HECW1: variants seen among roughly 807,000 people sequenced by gnomAD.
The protein encoded by HECW1 is HECT, C2 and WW domain containing E3 ubiquitin protein ligase 1.
Under a neutral mutation model 182.3 loss-of-function variants are expected in HECW1, and 61 were observed. The ratio of observed to expected loss-of-function variants is 0.33; its 90% CI spans 0.27 to 0.41. The LOEUF (loss-of-function observed/expected upper bound fraction) is 0.41, where lower values mean the gene tolerates loss of function less well. HECW1 is among the 10% of genes least tolerant of loss of function. The probability of loss-of-function intolerance (pLI) is 1.00; values close to 1 mark genes in which losing one functional copy is unlikely to be tolerated. For missense variants in HECW1, 1,739 were observed against 2,108.9 expected (o/e 0.82, Z 3.44); for synonymous variants, 859 against 832.6 (o/e 1.03, Z -0.55).
intron 6 of HECW1, among the ~76,000 whole-genome samples, chr7:43,381,490 T>C (rs1052763392): frequency 1.5e-5 from 1 of 64,952 alleles, no homozygotes; most frequent in Non-Finnish European, 2.9e-5. Flanking sequence ...CATGGCTAAT[T>C]TTTTTTTTTT....
chr7:43,559,328 C>T (rs375913671), intron 29 of HECW1, among the ~76,000 whole-genome samples: 14 of 151,488 alleles, frequency 9.2e-5, no homozygotes, highest in Admixed American at 3.3e-4. Flanking sequence ...AAACATCCAT[C>T]GCACCAAGTG....
At chr7:43,390,438 G>T (rs2074978646) in intron 6 of HECW1, among the ~76,000 whole-genome samples, 1 of 151,670 alleles carries the variant, frequency 6.6e-6, no homozygotes, top group South Asian at 2.1e-4. Flanking sequence ...CTACCCAGGA[G>T]TCTGAGGTGG....
intron 12 of HECW1, among the ~76,000 whole-genome samples, chr7:43,453,360 A>G (rs2077297509): frequency 6.6e-6 from 1 of 152,186 alleles, no homozygotes; most frequent in Non-Finnish European, 1.5e-5. Flanking sequence ...TGTGAGAGAA[A>G]GATAGGTATC....
intron 2 of HECW1, among the ~76,000 whole-genome samples, chr7:43,137,937 AC>A (rs1787742143): frequency 7.1e-6 from 1 of 141,784 alleles, no homozygotes; most frequent in African/African-American, 2.7e-5. Context: ...TCTGACCAAC[AC>A]TTTTTTTTTT....
chr7:43,504,659 G>A (rs913452904), intron 21 of HECW1, among the ~76,000 whole-genome samples: 1 of 152,198 alleles, frequency 6.6e-6, no homozygotes, highest in Admixed American at 6.5e-5. Flanking sequence ...CATCTCACAT[G>A]AACCTTGAAC....
At chr7:43,268,714 A>G (rs918351495) in intron 3 of HECW1, among the ~76,000 whole-genome samples, 3 of 152,196 alleles carry the variant, frequency 2.0e-5, no homozygotes, top group Non-Finnish European at 4.4e-5. Flanking sequence ...TGCCTCAGGC[A>G]TGACAAACTC....
intron 9 of HECW1, chr7:43,438,938 T>C (rs2076794834): frequency 6.6e-6 from 1 of 152,228 alleles, no homozygotes; most frequent in Admixed American, 6.5e-5. Flanking sequence ...TTAAAGTTCT[T>C]TGGATTATCA....
chr7:43,276,552 CAT>C (rs1441319948), intron 3 of HECW1, among the ~76,000 whole-genome samples: 1 of 152,200 alleles, frequency 6.6e-6, no homozygotes, highest in African/African-American at 2.4e-5. Context: ...TTTCCTGTGT[CAT>C]GTGGAATTCC....
Position 43,120,382 on chromosome 7 carries a change from C to A in HECW1, c.-32+5991C>A, listed in dbSNP as rs551195728. Among the ~76,000 whole-genome samples the A allele has an allele frequency of 1.9e-4, 29 of 152,204 alleles. No homozygotes were observed. In the South Asian group the frequency reaches 6.0e-3, roughly 32 times the overall value. On this transcript the variant is annotated intron_variant, in intron 2 of 29. Transcript: ENST00000395891. ...CTTGTTTGCTTGCTTTTTCTTCATA[C>A]CACTTAGCACCACGCAATTTGTTAC...
At chr7:43,464,385 C>T (rs547541578) in intron 14 of HECW1, among the ~76,000 whole-genome samples, 6 of 152,204 alleles carry the variant, frequency 3.9e-5, no homozygotes, top group African/African-American at 1.2e-4. Flanking sequence ...AATTTTTTCC[C>T]ACTACAGTAG....
In HECW1 at chr7:43,444,982, G is replaced by C. The variant is rs1160022001; in HGVS notation, c.1810G>C (p.Asp604His). Reference protein sequence around the residue: ...SSEKDGLSEVDTVAADPSALE... With the variant: ...SSEKDGLSEVHTVAADPSALE... ...GGAGAAGGATGGGCTCAGCGAGGTG[G>C]ACACGGTGGCCGCTGACCCGTCTGC... is the stretch of plus-strand genomic sequence containing the variant. Residue 604 changes from aspartate (D) to histidine (H), a missense_variant, in exon 11 of 30, where the codon GAC (aspartate) becomes CAC (histidine). Around this residue, in one of 5 missense-constraint regions of HECW1, gnomAD observed 971 missense variants for 1,029.1 expected, o/e 0.94. Coordinates refer to ENST00000395891, the MANE Select transcript of HECW1 (RefSeq NM_015052.5). The surrounding 1 kb of genome is among the most constrained non-coding windows in gnomAD (Gnocchi z 4.3). The C allele has an allele frequency of 1.9e-6, 3 of 1,559,654 alleles. No homozygotes were observed. The highest frequency in any genetic ancestry group is 2.6e-6 in the Non-Finnish European group (3 of 1,151,614).
intron 5 of HECW1, among the ~76,000 whole-genome samples, chr7:43,335,936 TTC>T (rs1485586740): frequency 6.6e-6 from 1 of 150,402 alleles, no homozygotes; most frequent in African/African-American, 2.5e-5. Flanking sequence ...TTCTTTCTTT[TTC>T]TTTCTTTCTT....
chr7:43,315,260 G>C (rs886111566), intron 4 of HECW1, among the ~76,000 whole-genome samples: 3 of 152,096 alleles, frequency 2.0e-5, no homozygotes, highest in Non-Finnish European at 4.4e-5. Flanking sequence ...AGCTGTATAA[G>C]GCACAAACAG....
At chr7:43,429,213 G>T (rs556113024) in intron 8 of HECW1, among the ~76,000 whole-genome samples, 1 of 146,990 alleles carries the variant, frequency 6.8e-6, no homozygotes, top group East Asian at 2.0e-4. Context: ...GATGGTGAAG[G>T]CTTGATCAAA....
chr7:43,489,655 A>G (rs1012856635), intron 17 of HECW1, among the ~76,000 whole-genome samples: 2 of 152,328 alleles, frequency 1.3e-5, no homozygotes, highest in East Asian at 1.9e-4. Flanking sequence ...AAACAGATGC[A>G]TCTGCATCTC....
chr7:43,486,980 GC>G (rs1338524365), intron 17 of HECW1, among the ~76,000 whole-genome samples: 1 of 152,048 alleles, frequency 6.6e-6, no homozygotes, highest in Non-Finnish European at 1.5e-5. Context: ...GATGTTTATT[GC>G]CCGCTTCTTA....
chr7:43,152,786 C>T (rs1280324498), intron 2 of HECW1, among the ~76,000 whole-genome samples: 3 of 152,158 alleles, frequency 2.0e-5, no homozygotes, highest in African/African-American at 7.2e-5. Context: ...CTCGGGTCTT[C>T]ATATCTGTAG....
chr7:43,349,248 G>T (rs561080280), intron 5 of HECW1, among the ~76,000 whole-genome samples: 1 of 152,076 alleles, frequency 6.6e-6, no homozygotes, highest in Non-Finnish European at 1.5e-5. Context: ...TGATTAGGCC[G>T]GTCTCAAACT....
At chr7:43,506,480 A>G (rs2079580145) in intron 21 of HECW1, among the ~76,000 whole-genome samples, 2 of 152,220 alleles carry the variant, frequency 1.3e-5, no homozygotes, top group South Asian at 4.1e-4. Context: ...TGAATGTAGT[A>G]TATTATTTTT....
Sources: allele counts gnomAD v4.1 joint callset (sites outside exome capture counted in the v4.1 genomes callset), GRCh38; gene constraint gnomAD v4.1.1; regional missense constraint gnomAD v4.1.1; non-coding constraint Gnocchi (gnomAD v3.1); transcripts MANE v1.5; gene names NCBI Gene and HGNC (gene_info 2026-07-23, HGNC 2026-07-21).